Variants in THSD4 observed in about 807,000 individuals in gnomAD.
THSD4 encodes thrombospondin type 1 domain containing 4.
A neutral mutation model predicts 119.0 loss-of-function variants in THSD4; 69 were observed. That is an observed-to-expected ratio of 0.58 (90% CI 0.48 to 0.71). The LOEUF is 0.71. THSD4 is among the 30% of genes least tolerant of loss of function. THSD4 has a pLI of 0.00. For synonymous variants in THSD4, 524 were observed against 540.4 expected (o/e 0.97, Z 0.42); for missense variants, 1,393 against 1,391.1 (o/e 1.00, Z -0.02).
chr15:71,123,831 T>G (rs1358066004), intron 1 of THSD4, among the ~76,000 whole-genome samples: 1 of 152,220 alleles, frequency 6.6e-6, no homozygotes, highest in African/African-American at 2.4e-5. Flanking sequence ...GGTATTCAGA[T>G]CTCTCATAAT....
intron 13 of THSD4, 79 bp downstream of exon 13, chr15:71,747,121 G>C (rs1177237702): frequency 6.1e-6 from 9 of 1,477,818 alleles, no homozygotes; most frequent in Admixed American, 2.0e-5. Flanking sequence ...ACCAAGACCT[G>C]AGATGGGTAA....
intron 15 of THSD4, among the ~76,000 whole-genome samples, chr15:71,762,901 T>A (rs2053649933): frequency 6.6e-6 from 1 of 151,902 alleles, no homozygotes; most frequent in South Asian, 2.1e-4. Flanking sequence ...CAAAACCCCA[T>A]CTCTACTAAA....
intron 6 of THSD4, among the ~76,000 whole-genome samples, chr15:71,388,789 A>T (rs750207289): frequency 3.0e-4 from 45 of 151,968 alleles, no homozygotes; most frequent in African/African-American, 4.6e-4. Flanking sequence ...TATATATATA[A>T]AAAACATAAA....
At position 71,242,752 on chromosome 15, in the gene THSD4, C is replaced by T. The variant is rs773635180; in HGVS notation, c.568C>T (p.Arg190Trp). Residue 190 changes from arginine (R) to tryptophan (W), a missense_variant, in exon 5 of 18, where the codon CGG (arginine) becomes TGG (tryptophan). Coordinates refer to ENST00000261862, the MANE Select transcript of THSD4 (RefSeq NM_024817.3). ...CACTGCACACACGCCACAGAGGCTC[C>T]GGAGACAGAAGCTCTCATCCCGCCA... is the stretch of plus-strand genomic sequence containing the variant. ...TDTAHTPQRL[R>W]RQKLSSRHSR... 50 of 1,614,060 alleles carry T rather than the reference C, an allele frequency of 3.1e-5. No individual in the cohort carries two copies. The highest frequency in any genetic ancestry group is 1.8e-4 in the Admixed American group (11 of 59,994).
chr15:71,166,515 C>T (rs1487746686), intron 3 of THSD4, among the ~76,000 whole-genome samples: 3 of 152,146 alleles, frequency 2.0e-5, no homozygotes, highest in Non-Finnish European at 4.4e-5. Flanking sequence ...CTGTTCCTGT[C>T]TATGGAGGTG....
At chr15:71,452,105 G>A (rs1290645450) in intron 7 of THSD4, among the ~76,000 whole-genome samples, 1 of 152,078 alleles carries the variant, frequency 6.6e-6, no homozygotes, top group Non-Finnish European at 1.5e-5. Context: ...TCCCTGCCAG[G>A]CTCCCAGCTC....
chr15:71,193,721 T>C (rs958884593), intron 3 of THSD4, among the ~76,000 whole-genome samples: 1 of 152,182 alleles, frequency 6.6e-6, no homozygotes, highest in African/African-American at 2.4e-5. Context: ...CTTTTCTTTT[T>C]TTTTGAGACG....
At chr15:71,329,488 C>T (rs1400410081) in intron 6 of THSD4, among the ~76,000 whole-genome samples, 1 of 152,202 alleles carries the variant, frequency 6.6e-6, no homozygotes, top group Non-Finnish European at 1.5e-5. Flanking sequence ...CTGAAACGTC[C>T]TTTGCTGCCT....
At chr15:71,351,952 CTT>C (rs2045748980) in intron 6 of THSD4, among the ~76,000 whole-genome samples, 1 of 152,228 alleles carries the variant, frequency 6.6e-6, no homozygotes, top group African/African-American at 2.4e-5. Flanking sequence ...ACCATGCACA[CTT>C]TGCCTGCCCT....
At chr15:71,204,358 C>T (rs1165774025) in intron 3 of THSD4, among the ~76,000 whole-genome samples, 2 of 152,158 alleles carry the variant, frequency 1.3e-5, no homozygotes, top group Admixed American at 6.5e-5. Flanking sequence ...GAAATCCATC[C>T]GGGCCTCCTT....
chr15:71,306,381 A>G (rs564127968), intron 6 of THSD4, among the ~76,000 whole-genome samples: 1 of 149,658 alleles, frequency 6.7e-6, no homozygotes, highest in South Asian at 2.1e-4. Flanking sequence ...TCTTATGGCC[A>G]GTATCTTACT....
intron 6 of THSD4, among the ~76,000 whole-genome samples, chr15:71,379,412 G>A (rs2046195538): frequency 7.5e-6 from 1 of 133,676 alleles, no homozygotes; most frequent in Non-Finnish European, 1.6e-5. Flanking sequence ...ACTCCATTAA[G>A]TTTGTAGTTT....
chr15:71,143,189 C>T (rs2040621739), intron 2 of THSD4, among the ~76,000 whole-genome samples: 1 of 152,026 alleles, frequency 6.6e-6, no homozygotes. Context: ...TGATATTGAG[C>T]CACGAGGAGG....
At chr15:71,764,954 G>A in intron 15 of THSD4, 66 bp from the exon 16 acceptor site, 1 of 1,550,530 alleles carries the variant, frequency 6.4e-7, no homozygotes, top group Non-Finnish European at 8.7e-7. Flanking sequence ...AGCATCCCTT[G>A]ATGGACAGTA....
intron 6 of THSD4, among the ~76,000 whole-genome samples, chr15:71,268,132 T>A (rs1470535544): frequency 6.6e-6 from 1 of 152,118 alleles, no homozygotes; most frequent in Non-Finnish European, 1.5e-5. Flanking sequence ...TACAGAACTC[T>A]CCACCCCAAA....
At position 71,441,830 on chromosome 15, in the gene THSD4, C is replaced by T. The variant is rs79483687; in HGVS notation, c.1152+30007C>T. ...CACTTTAGTAAAGCGGGGATGAGAG[C>T]AGTACTGACCCCGCAGGTTTGTGAG... On this transcript the variant is annotated intron_variant, in intron 7 of 17. Transcript: ENST00000261862. 3.9e-5 allele frequency among the ~76,000 whole-genome samples: 6 copies of T among 152,222 alleles called. No homozygotes were observed. In the East Asian group the frequency reaches 1.2e-3, roughly 29 times the overall value.
intron 5 of THSD4, among the ~76,000 whole-genome samples, chr15:71,244,682 G>A (rs1387480742): frequency 6.6e-6 from 1 of 152,096 alleles, no homozygotes; most frequent in African/African-American, 2.4e-5. Flanking sequence ...CTACCTCCTA[G>A]CATTGCTTTG....
intron 6 of THSD4, among the ~76,000 whole-genome samples, chr15:71,354,674 G>A (rs1165411937): frequency 1.3e-5 from 2 of 152,174 alleles, no homozygotes; most frequent in Non-Finnish European, 2.9e-5. Flanking sequence ...AATAAGCATA[G>A]AATTACACCC....
rs28706734 is a variant in THSD4 at position 71,300,938 on chromosome 15, A to G, written c.1015+44223A>G. 2.2e-3 allele frequency among the ~76,000 whole-genome samples: 341 copies of G among 152,308 alleles called. 2 individuals are homozygous for G. Among genetic ancestry groups the G allele is most frequent in the African/African-American group, 7.8e-3 (323 of 41,556 alleles). ...AGATTTTATCGTTGTCCAAAGGAAT[A>G]TGGGTTTAATTAGATAATTTTCTTT... On this transcript the variant is annotated intron_variant, in intron 6 of 17. Coordinates refer to ENST00000261862, the MANE Select transcript of THSD4 (RefSeq NM_024817.3).
Sources: allele counts gnomAD v4.1 joint callset (sites outside exome capture counted in the v4.1 genomes callset), GRCh38; gene constraint gnomAD v4.1.1; transcripts MANE v1.5; gene names NCBI Gene and HGNC (gene_info 2026-07-23, HGNC 2026-07-21).